The following CYFIP1 variants were observed in gnomAD, a reference collection of about 807,000 sequenced individuals.
CYFIP1 encodes cytoplasmic FMR1 interacting protein 1.
Under a neutral mutation model 163.5 loss-of-function variants are expected in CYFIP1, and 58 were observed. The ratio of observed to expected loss-of-function variants is 0.35; its 90% confidence interval spans 0.29 to 0.44. The LOEUF is 0.44. Ranked by LOEUF, CYFIP1 falls within the 20% of genes least tolerant of loss-of-function variation. The pLI is 1.00. For synonymous variants in CYFIP1, 663 were observed against 660.7 expected, an observed-to-expected ratio of 1.00 and a Z score of -0.05; for missense variants, 1,338 against 1,653.8, an observed-to-expected ratio of 0.81 and a Z score of 3.31.
intron 24 of CYFIP1, among the ~76,000 whole-genome samples, chr15:22,882,366 G>C (rs2059791777): frequency 1.3e-5 from 2 of 152,270 alleles, no homozygotes; most frequent in Non-Finnish European, 2.9e-5. Flanking sequence ...TTTTGGGACA[G>C]AGTCCCCAGC....
At position 22,868,583 on chromosome 15, in the gene CYFIP1, G is replaced by A. The variant is rs2059314031; in HGVS notation, c.*1445C>T. ...GGGTTATTAATTCACATTACCAAAA[G>A]CATTTTTAGGGAACTTTTTATAAAG... On this transcript the variant is annotated 3_prime_UTR_variant, in exon 31 of 31. Transcript: ENST00000617928. The A allele has an allele frequency of 6.6e-6, 1 of 151,700 alleles. No individual in the cohort carries two copies. The highest frequency in any genetic ancestry group is 1.5e-5 in the Non-Finnish European group (1 of 67,982). 9.4% of individuals were successfully genotyped at this position (151,700 alleles called of 1,614,324 possible).
At chr15:22,890,307 C>CT in intron 23 of CYFIP1, among the ~76,000 whole-genome samples, 1 of 142,016 alleles carries the variant, frequency 7.0e-6, no homozygotes, top group Non-Finnish European at 1.5e-5. Context: ...GAGACTCCAT[C>CT]TCAAAAAAAA....
chr15:22,932,353 A>G lies in CYFIP1; in HGVS notation c.993-13T>C. The G allele has an allele frequency of 6.4e-7, 1 of 1,573,158 alleles. No individual in the cohort carries two copies. Among genetic ancestry groups the G allele is most frequent in the Non-Finnish European group, 8.6e-7 (1 of 1,158,720 alleles). On this transcript the variant is annotated splice_polypyrimidine_tract_variant and intron_variant, in intron 10 of 30. Coordinates refer to ENST00000617928, the MANE Select transcript of CYFIP1 (RefSeq NM_014608.6). ...TGTGCACGTCCATCTGTGCAGAGAGAAAGCACCCGCGTTACCTGCGGAGGC... is the reference window on the plus strand; with the variant it reads ...TGTGCACGTCCATCTGTGCAGAGAGGAAGCACCCGCGTTACCTGCGGAGGC...
chr15:22,973,420 C>T (rs2063166583), intron 1 of CYFIP1, among the ~76,000 whole-genome samples: 1 of 151,894 alleles, frequency 6.6e-6, no homozygotes, highest in Non-Finnish European at 1.5e-5. Flanking sequence ...TGCTTTCTGG[C>T]CCCAGGCAAT....
At chr15:22,957,172 G>A (rs560234473) in intron 1 of CYFIP1, among the ~76,000 whole-genome samples, 1 of 152,226 alleles carries the variant, frequency 6.6e-6, no homozygotes, top group East Asian at 1.9e-4. Flanking sequence ...CTAGAAAGAG[G>A]GTCTTCCCAG....
intron 16 of CYFIP1, among the ~76,000 whole-genome samples, chr15:22,915,735 C>T (rs1294161869): frequency 1.3e-5 from 2 of 152,092 alleles, no homozygotes; most frequent in Non-Finnish European, 2.9e-5. Flanking sequence ...GGTGACAGAG[C>T]AAGACTTCGT....
chr15:22,874,560 C>G lies in CYFIP1; in HGVS notation c.3200G>C (p.Gly1067Ala). The G allele has an allele frequency of 3.1e-6, 5 of 1,600,406 alleles. No individual in the cohort carries two copies. Among genetic ancestry groups the G allele is most frequent in the Non-Finnish European group, 4.3e-6 (5 of 1,175,286 alleles). Residue 1067 changes from glycine (G) to alanine (A), a missense_variant, in exon 28 of 31, where the codon GGG (glycine) becomes GCG (alanine). By Grantham distance (60) the Gly-to-Ala change is moderately conservative. This residue lies in a region of CYFIP1 where 306 missense variants were observed against 322.1 expected (regional missense o/e 0.95). Transcript: ENST00000617928. ...LHLVPLIERLGTPQQIAIARE... is the reference protein window; with the variant it reads ...LHLVPLIERLATPQQIAIARE... ...CACGGTACACGTTACCTGAGGGGTC[C>G]CCAGTCTTTCAATCAGTGGGACAAG...
intron 25 of CYFIP1, among the ~76,000 whole-genome samples, chr15:22,880,500 G>A (rs533021451): frequency 6.6e-6 from 1 of 152,340 alleles, no homozygotes; most frequent in South Asian, 2.1e-4. Context: ...CACCAGGCCA[G>A]CTCCAGAGCA....
chr15:22,937,012 A>C, intron 9 of CYFIP1, 92 bp downstream of exon 9: 3 of 852,394 alleles, frequency 3.5e-6, no homozygotes, highest in Admixed American at 2.0e-5. Flanking sequence ...GCGTTTCCTG[A>C]TATAGATCAC....
chr15:22,916,421 GGT>G, intron 16 of CYFIP1, 54 bp downstream of exon 16: 2 of 1,307,146 alleles, frequency 1.5e-6, no homozygotes, highest in Middle Eastern at 1.9e-4. Flanking sequence ...CATTCTAGAC[GGT>G]GTTAGTGGTG....
chr15:22,963,722 G>C (rs1186866333), intron 1 of CYFIP1, among the ~76,000 whole-genome samples: 1 of 152,098 alleles, frequency 6.6e-6, no homozygotes, highest in Non-Finnish European at 1.5e-5. Context: ...ATCGCAGGCT[G>C]AACCCATCTC....
chr15:22,870,422 CCTCAGCCTCCTGAGTAG>C (rs1420687879), intron 30 of CYFIP1, among the ~76,000 whole-genome samples: 1 of 152,034 alleles, frequency 6.6e-6, no homozygotes, highest in Non-Finnish European at 1.5e-5. Context: ...CATCCTCCCA[CCTCAGCCTCCTGAGTAG>C]CTGGGACCAC....
At chr15:22,906,376 G>A (rs563147479) in intron 21 of CYFIP1, among the ~76,000 whole-genome samples, 2 of 151,784 alleles carry the variant, frequency 1.3e-5, no homozygotes, top group African/African-American at 2.4e-5. Context: ...CAAAAGTGCT[G>A]GGATTACAGG....
In CYFIP1 at chr15:22,869,934, C is replaced by G. The variant is rs992130526; in HGVS notation, c.*94G>C. On this transcript the variant is annotated 3_prime_UTR_variant, in exon 31 of 31. Transcript: ENST00000617928. ...CGAAAAGCACCCCCTTTAACAGGTA[C>G]AGAGATACTGAAAAATAGTCCCTAA... 8.1e-7 allele frequency: 1 copy of G among 1,227,068 alleles called. No homozygotes were observed. The highest frequency in any genetic ancestry group is 3.6e-5 in the Admixed American group (1 of 27,954). The allele number at this position is 1,227,068 out of a possible 1,614,324, so 76.0% of individuals were successfully genotyped here. A position where few individuals can be genotyped will look rare whatever the true frequency, so the allele number is the denominator to read the frequency against.
At chr15:22,942,647 C>T (rs2061928249) in intron 6 of CYFIP1, among the ~76,000 whole-genome samples, 1 of 152,222 alleles carries the variant, frequency 6.6e-6, no homozygotes, top group Non-Finnish European at 1.5e-5. Flanking sequence ...GAAAGAAAAC[C>T]ACCAGGGAGA....
intron 6 of CYFIP1, among the ~76,000 whole-genome samples, chr15:22,940,629 G>A (rs1227654090): frequency 6.6e-6 from 1 of 152,212 alleles, no homozygotes; most frequent in East Asian, 1.9e-4. Flanking sequence ...GACTTTTCAG[G>A]AGACAGAGAA....
chr15:22,914,915 C>A, intron 16 of CYFIP1, 33 bp from the exon 17 acceptor site: 1 of 1,574,834 alleles, frequency 6.3e-7, no homozygotes, highest in African/African-American at 1.4e-5. Flanking sequence ...ATGTTATCTC[C>A]CGCAAGCAAA....
chr15:22,927,878 C>A (rs760509839), intron 12 of CYFIP1, 28 bp downstream of exon 12: 35 of 1,568,260 alleles, frequency 2.2e-5, no homozygotes, highest in Non-Finnish European at 2.9e-5. Context: ...AGCTTTGGAG[C>A]GGGGCTGGGG....
intron 1 of CYFIP1, chr15:22,951,329 TC>T: frequency 8.6e-7 from 1 of 1,161,586 alleles, no homozygotes; most frequent in Non-Finnish European, 1.1e-6. Flanking sequence ...TCCCTCCACA[TC>T]ACAGCTTCCT....
Sources: allele counts gnomAD v4.1 joint callset (sites outside exome capture counted in the v4.1 genomes callset), GRCh38; gene constraint gnomAD v4.1.1; regional missense constraint gnomAD v4.1.1; transcripts MANE v1.5; gene names NCBI Gene and HGNC (gene_info 2026-07-23, HGNC 2026-07-21).